The following GSAP variants were observed in gnomAD, a reference collection of about 807,000 sequenced individuals.
The protein encoded by GSAP is gamma-secretase-activating protein.
A neutral mutation model predicts 131.7 loss-of-function variants in GSAP; 118 were observed. The ratio of observed to expected loss-of-function variants is 0.90; its 90% CI spans 0.77 to 1.04. The LOEUF (loss-of-function observed/expected upper bound fraction) is 1.04. Among genes scored for constraint, GSAP ranks in the 50% least tolerant of loss-of-function variants. The pLI, the probability that GSAP is intolerant of heterozygous loss-of-function variation, is 0.00. For missense variants in GSAP, 1,019 were observed against 1,013.2 expected (o/e 1.01, Z -0.08); for synonymous variants, 381 against 363.4 (o/e 1.05, Z -0.55).
intron 19 of GSAP, among the ~76,000 whole-genome samples, chr7:77,332,937 G>A (rs1434259909): frequency 6.6e-6 from 1 of 152,158 alleles, no homozygotes; most frequent in Non-Finnish European, 1.5e-5. Flanking sequence ...GGAAGGCAGA[G>A]GCAGGCGGAT....
chr7:77,348,003 T>A (rs1022936624), intron 19 of GSAP, among the ~76,000 whole-genome samples: 1,454 of 133,794 alleles, frequency 0.011, 19 homozygotes, highest in Non-Finnish European at 0.016. Flanking sequence ...AAAAAAAAAA[T>A]AAGAAAAAAT....
intron 14 of GSAP, among the ~76,000 whole-genome samples, chr7:77,358,916 G>C (rs1794137152): frequency 1.3e-5 from 2 of 152,240 alleles, no homozygotes; most frequent in Non-Finnish European, 2.9e-5. Flanking sequence ...GCTAGGCACA[G>C]TGGCTCACGC....
At chr7:77,412,872 A>G (rs939091895) in intron 1 of GSAP, among the ~76,000 whole-genome samples, 1 of 152,174 alleles carries the variant, frequency 6.6e-6, no homozygotes, top group Non-Finnish European at 1.5e-5. Flanking sequence ...CAGAGTGTTA[A>G]TAAGTACAAC....
chr7:77,382,695 G>C (rs1797982086), intron 6 of GSAP, 52 bp from the exon 7 acceptor site: 1 of 993,058 alleles, frequency 1.0e-6, no homozygotes, highest in Non-Finnish European at 1.6e-6. Flanking sequence ...GCTTGAACAA[G>C]TATTTCCAAA....
intron 21 of GSAP, 72 bp from the exon 22 acceptor site, chr7:77,328,709 G>A: frequency 2.3e-6 from 2 of 875,796 alleles, no homozygotes; most frequent in Non-Finnish European, 3.7e-6. Context: ...ATCATACAAA[G>A]ATATCCTCCT....
intron 6 of GSAP, among the ~76,000 whole-genome samples, chr7:77,385,263 A>G (rs1798394300): frequency 1.3e-5 from 2 of 152,086 alleles, no homozygotes; most frequent in Non-Finnish European, 2.9e-5. Context: ...CAAACTCCTG[A>G]GCTCAGGCAA....
intron 12 of GSAP, among the ~76,000 whole-genome samples, chr7:77,371,085 G>C (rs111507703): frequency 3.3e-4 from 50 of 151,962 alleles, no homozygotes; most frequent in African/African-American, 1.2e-3. Flanking sequence ...AAAACTTCCA[G>C]ATTTATTCAT....
At chr7:77,378,675 T>G (rs1357353708) in intron 8 of GSAP, among the ~76,000 whole-genome samples, 2 of 152,050 alleles carry the variant, frequency 1.3e-5, no homozygotes, top group Non-Finnish European at 2.9e-5. Flanking sequence ...AAAACTGAGG[T>G]CCTGAGCAGT....
upstream of GSAP, chr7:77,416,533 G>A (rs989456990): frequency 6.8e-4 from 270 of 397,334 alleles, 2 homozygotes; most frequent in African/African-American, 5.1e-3. Flanking sequence ...AGCCGGAGCC[G>A]GGCACGGCGG....
intron 1 of GSAP, among the ~76,000 whole-genome samples, chr7:77,413,338 C>T (rs925439430): frequency 4.6e-5 from 7 of 152,316 alleles, no homozygotes; most frequent in African/African-American, 9.6e-5. Flanking sequence ...GTGGTCCATA[C>T]CCAAAAGGAA....
intron 19 of GSAP, among the ~76,000 whole-genome samples, chr7:77,338,251 G>C (rs1220506901): frequency 3.3e-5 from 5 of 152,108 alleles, no homozygotes; most frequent in African/African-American, 1.2e-4. Flanking sequence ...CGTTTCCCTA[G>C]AGCAATCCAC....
intron 2 of GSAP, among the ~76,000 whole-genome samples, chr7:77,405,540 A>T (rs934027970): frequency 4.3e-4 from 65 of 151,618 alleles, no homozygotes; most frequent in Admixed American, 1.4e-3. Flanking sequence ...ATTTAAAAAA[A>T]TTTTTTTTTC....
intron 25 of GSAP, 39 bp from the exon 26 acceptor site, chr7:77,320,858 C>T (rs1439455566): frequency 1.6e-6 from 2 of 1,265,812 alleles, no homozygotes; most frequent in Admixed American, 3.4e-5. Context: ...AGCCAAGGAG[C>T]TCATCTGTGA....
In GSAP at chr7:77,326,285, CAG is replaced by C. The variant is rs1562905978; in HGVS notation, c.1766-14_1766-13del. 1.2e-6 allele frequency: 2 copies of C among 1,602,998 alleles called. No homozygotes were observed. Among genetic ancestry groups the C allele is most frequent in the African/African-American group, 1.3e-5 (1 of 74,604 alleles). On this transcript the variant is annotated splice_polypyrimidine_tract_variant and intron_variant, in intron 22 of 30. Transcript: ENST00000257626. ...TGTTAATCTTGGCCCTGAAATGAAA[CAG>C]AGCAATAGTTAGGCTCTGAGCAGTT... is the stretch of plus-strand genomic sequence containing the variant.
chr7:77,347,953 A>G (rs969653353), intron 19 of GSAP, among the ~76,000 whole-genome samples: 4 of 151,310 alleles, frequency 2.6e-5, no homozygotes, highest in African/African-American at 4.8e-5. Context: ...GTAGATTGAG[A>G]TCATCCTGGC....
intron 19 of GSAP, among the ~76,000 whole-genome samples, chr7:77,343,162 A>C (rs1248528334): frequency 6.6e-6 from 1 of 151,466 alleles, no homozygotes; most frequent in Admixed American, 6.6e-5. Flanking sequence ...CCTAGCCTTC[A>C]TGTCTGTGTG....
intron 24 of GSAP, among the ~76,000 whole-genome samples, 178 bp downstream of exon 24, chr7:77,323,469 G>T (rs1389400467): frequency 6.6e-6 from 1 of 152,162 alleles, no homozygotes; most frequent in Non-Finnish European, 1.5e-5. Flanking sequence ...AATGCTCTTT[G>T]TTTATGGTCC....
chr7:77,372,481 A>C (rs375452148), intron 12 of GSAP, among the ~76,000 whole-genome samples: 1 of 152,232 alleles, frequency 6.6e-6, no homozygotes, highest in African/African-American at 2.4e-5. Context: ...TTCAGTAATA[A>C]GGGAACAGAT....
In GSAP at chr7:77,349,280, C is replaced by T. The variant is rs1792406086; in HGVS notation, c.1545+71G>A. On this transcript the variant is annotated intron_variant, in intron 19 of 30. Coordinates refer to ENST00000257626, the MANE Select transcript of GSAP (RefSeq NM_017439.4). ...GCCAATTTGCAATCCCTTTTGGAACCACCATAATACTCAGGCAGCAGAGCT... is the reference window on the plus strand; with the variant it reads ...GCCAATTTGCAATCCCTTTTGGAACTACCATAATACTCAGGCAGCAGAGCT... 2.4e-6 allele frequency: 3 copies of T among 1,240,616 alleles called. No homozygotes were observed. The South Asian group carries it at 3.7e-5, about 15-fold the overall frequency. The allele number at this position is 1,240,616 out of a possible 1,614,324, so 76.9% of individuals were successfully genotyped here.
Sources: gnomAD v4.1 joint callset for allele counts (sites outside exome capture counted in the v4.1 genomes callset) on GRCh38, gnomAD v4.1.1 for gene constraint, MANE v1.5 for transcripts, NCBI Gene and HGNC (gene_info 2026-07-23, HGNC 2026-07-21) for gene names.